Variants in DNAH12 observed in about 807,000 individuals in gnomAD.
DNAH12 encodes axonemal beta dynein heavy chain 12.
Under a neutral mutation model 371.5 loss-of-function variants are expected in DNAH12, and 285 were observed. The observed-to-expected ratio is 0.77, with a 90% CI of 0.70 to 0.85. The LOEUF (loss-of-function observed/expected upper bound fraction) is 0.85. Ranked by LOEUF, DNAH12 falls within the 40% of genes least tolerant of loss-of-function variation. The probability of loss-of-function intolerance (pLI) is 0.00; values close to 1 mark genes in which losing one functional copy is unlikely to be tolerated. For synonymous variants in DNAH12, 1,200 were observed against 1,213.0 expected (o/e 0.99, Z 0.22); for missense variants, 3,611 against 3,689.4 (o/e 0.98, Z 0.55).
chr3:57,514,595 G>A (rs2068121292), intron 4 of DNAH12, among the ~76,000 whole-genome samples: 1 of 152,042 alleles, frequency 6.6e-6, no homozygotes, highest in African/African-American at 2.4e-5. Context: ...CATGGGAACA[G>A]GGTGGAAGGG....
chr3:57,535,382 A>G (rs1024377239), intron 2 of DNAH12, among the ~76,000 whole-genome samples: 5 of 152,342 alleles, frequency 3.3e-5, no homozygotes, highest in Non-Finnish European at 5.9e-5. Context: ...TATAAAAGCA[A>G]GCTCTCTCTG....
At position 57,337,939 on chromosome 3, in the gene DNAH12, A is replaced by G. The variant is rs189591845; in HGVS notation, c.9675-2999T>C. On this transcript the variant is annotated intron_variant, in intron 60 of 73. Coordinates refer to ENST00000495027, the MANE Select transcript of DNAH12 (RefSeq NM_001366028.2). ...GAATACACATTCTCTTCATCAGCAC[A>G]TAAAACATTCTCCCGGATTGGCCAT... Among the ~76,000 whole-genome samples the G allele has an allele frequency of 1.4e-3, 214 of 152,366 alleles. 3 individuals carry two copies. Among genetic ancestry groups the G allele is most frequent in the Admixed American group, 0.013 (199 of 15,310 alleles).
At chr3:57,384,691 TA>T (rs1256155586) in intron 49 of DNAH12, 137 bp downstream of exon 49, 2 of 152,150 alleles carry the variant, frequency 1.3e-5, no homozygotes, top group Non-Finnish European at 2.9e-5. Flanking sequence ...GGTAAACTGT[TA>T]AGAGCCAAGT....
intron 2 of DNAH12, among the ~76,000 whole-genome samples, chr3:57,537,293 T>A (rs907548009): frequency 6.6e-6 from 1 of 152,214 alleles, no homozygotes; most frequent in Non-Finnish European, 1.5e-5. Context: ...TAATTTCAAA[T>A]GACTGGGTGA....
intron 13 of DNAH12, among the ~76,000 whole-genome samples, chr3:57,481,764 C>T (rs1575663747): frequency 6.6e-6 from 1 of 151,920 alleles, no homozygotes; most frequent in African/African-American, 2.4e-5. Flanking sequence ...AGAAATAATG[C>T]CGCATATCTA....
chr3:57,396,893 C>T (rs1005642201), intron 43 of DNAH12, among the ~76,000 whole-genome samples: 6 of 152,258 alleles, frequency 3.9e-5, no homozygotes, highest in African/African-American at 1.2e-4. Context: ...GGTATGGTGA[C>T]GGGCACCTAT....
At chr3:57,449,757 T>C (rs145648828) in intron 25 of DNAH12, among the ~76,000 whole-genome samples, 128 of 151,934 alleles carry the variant, frequency 8.4e-4, no homozygotes, top group African/African-American at 2.9e-3. Flanking sequence ...GCTGAGGGAG[T>C]GGGCTCCAGC....
chr3:57,539,849 C>T (rs896969310), intron 2 of DNAH12, among the ~76,000 whole-genome samples: 3 of 151,910 alleles, frequency 2.0e-5, no homozygotes, highest in African/African-American at 7.3e-5. Flanking sequence ...ATCTTCTGAC[C>T]TTGTGATCTG....
At chr3:57,465,707 A>G (rs1391542482) in intron 17 of DNAH12, among the ~76,000 whole-genome samples, 1 of 152,174 alleles carries the variant, frequency 6.6e-6, no homozygotes, top group African/African-American at 2.4e-5. Context: ...AAATATTCAC[A>G]TCACAGACAA....
intron 2 of DNAH12, among the ~76,000 whole-genome samples, chr3:57,538,434 C>T (rs1266935787): frequency 6.6e-6 from 1 of 151,516 alleles, no homozygotes; most frequent in Non-Finnish European, 1.5e-5. Context: ...AGGTTCTTCC[C>T]TAAAAATTCA....
chr3:57,400,740 G>A (rs972524909), intron 43 of DNAH12, among the ~76,000 whole-genome samples: 1 of 152,138 alleles, frequency 6.6e-6, no homozygotes, highest in African/African-American at 2.4e-5. Context: ...AATAAGAAAA[G>A]CCACAAGTAA....
chr3:57,467,189 G>T (rs560915832), intron 17 of DNAH12, among the ~76,000 whole-genome samples: 7 of 152,176 alleles, frequency 4.6e-5, no homozygotes, highest in African/African-American at 1.7e-4. Context: ...CATGATCTCG[G>T]CTCACTGCAA....
At position 57,389,231 on chromosome 3, in the gene DNAH12, G is replaced by GA. The variant is rs36159319; in HGVS notation, c.7306-2013dup. On this transcript the variant is annotated intron_variant, in intron 45 of 73. Transcript: ENST00000495027. The stretch of plus-strand genomic sequence containing the variant: ...CCTCCATTAAAAAGCAGGTCCACAG[G>GA]AAAAAAAAAAAACATTACAGAGGCT... 3.7e-3 allele frequency among the ~76,000 whole-genome samples: 528 copies of GA among 143,016 alleles called. 7 individuals are homozygous for GA. The highest frequency in any genetic ancestry group is 0.027 in the South Asian group (123 of 4,530). 93.8% of individuals were successfully genotyped at this position (143,016 alleles called of 152,430 possible).
chr3:57,293,956 AT>A lies in DNAH12; in HGVS notation c.11707del (p.Ile3903LeufsTer2). 7.1e-7 allele frequency: 1 copy of A among 1,409,130 alleles called. No individual in the cohort carries two copies. Among genetic ancestry groups the A allele is most frequent in the Non-Finnish European group, 9.3e-7 (1 of 1,072,106 alleles). The allele number at this position is 1,409,130 out of a possible 1,614,324, so 87.3% of individuals were successfully genotyped here. A position where few individuals can be genotyped will look rare whatever the true frequency, so the allele number is the denominator to read the frequency against. On this transcript the variant is annotated frameshift_variant, in exon 74 of 74. Transcript: ENST00000495027. LOFTEE classifies it high-confidence loss of function. ...ACAGACATAGGCATCCGACTTTATA[AT>A]CCGAGATTTTTGAGCTTGAAAAAAA... ...IWIKPTQKSRIIKSDAYVCPL... is the reference protein window; with the variant it reads ...IWIKPTQKSRXIKSDAYVCPL...
At chr3:57,297,740 A>G (rs1221939408) in intron 70 of DNAH12, among the ~76,000 whole-genome samples, 1 of 152,072 alleles carries the variant, frequency 6.6e-6, no homozygotes, top group Non-Finnish European at 1.5e-5. Context: ...TTCTTTCTGT[A>G]CCAGTGCATG....
chr3:57,356,774 CTG>C (rs1262237295), intron 59 of DNAH12, among the ~76,000 whole-genome samples: 1 of 152,006 alleles, frequency 6.6e-6, no homozygotes, highest in East Asian at 1.9e-4. Context: ...CAGTCTCACT[CTG>C]TTGCGCAGGC....
intron 58 of DNAH12, among the ~76,000 whole-genome samples, chr3:57,358,636 A>T (rs925541142): frequency 2.6e-5 from 4 of 152,204 alleles, no homozygotes; most frequent in African/African-American, 9.7e-5. Context: ...AGTAAAACAA[A>T]GTTATCGACA....
At position 57,446,593 on chromosome 3, in the gene DNAH12, C is replaced by T. The variant is rs2065506067; in HGVS notation, c.3883G>A (p.Val1295Ile). ...GAACAGTTGAACACCACACACTGTA[C>T]AGCAAGAGCTTTAGCCAAGTCCTTG... ...TTKDLAKALA[V>I]QCVVFNCSDG... is the part of the protein sequence containing the mutation. Residue 1295 changes from valine to isoleucine, a missense_variant, in exon 26 of 74, where the codon GTA (valine) becomes ATA (isoleucine). Physicochemically the swap from Val to Ile is conservative, Grantham distance 29. This residue lies in a region of DNAH12 where 2,266 missense variants were observed against 2,236.9 expected (regional missense o/e 1.01). Transcript: ENST00000495027. 4 of 1,550,622 alleles carry T rather than the reference C, an allele frequency of 2.6e-6. No homozygotes were observed. In the Admixed American group the frequency reaches 5.9e-5, roughly 23 times the overall value.
intron 29 of DNAH12, among the ~76,000 whole-genome samples, chr3:57,438,918 C>CAAAAAAAAAAAAAAAAAA (rs57608649): frequency 3.2e-5 from 3 of 94,530 alleles, no homozygotes; most frequent in African/African-American, 8.0e-5. Context: ...CTGTCTCAGA[C>CAAAAAAAAAAAAAAAAAA]AAAAAAAAAA....
Sources: allele counts gnomAD v4.1 joint callset (sites outside exome capture counted in the v4.1 genomes callset), GRCh38; gene constraint gnomAD v4.1.1; regional missense constraint gnomAD v4.1.1; transcripts MANE v1.5; gene names NCBI Gene and HGNC (gene_info 2026-07-23, HGNC 2026-07-21).